The following NR1H4 variants were observed in gnomAD, a reference collection of about 807,000 sequenced individuals.
NR1H4 encodes bile acid receptor.
Under a neutral mutation model 58.5 loss-of-function variants are expected in NR1H4, and 23 were observed. The observed-to-expected ratio is 0.39, with a 90% CI of 0.28 to 0.56. NR1H4 has a LOEUF of 0.56. NR1H4 is among the 20% of genes least tolerant of loss of function. The probability of loss-of-function intolerance (pLI) is 0.58; values close to 1 mark genes in which losing one functional copy is unlikely to be tolerated. For missense variants in NR1H4, 487 were observed against 576.9 expected, an observed-to-expected ratio of 0.84 and a Z score of 1.60; for synonymous variants, 214 against 198.0, an observed-to-expected ratio of 1.08 and a Z score of -0.68.
In NR1H4 at chr12:100,542,508, A is replaced by G. The variant is rs117394485; in HGVS notation, c.1078+1690A>G. On this transcript the variant is annotated intron_variant, in intron 9 of 10. Coordinates refer to ENST00000392986, the MANE Select transcript of NR1H4 (RefSeq NM_001206979.2). ...AATTACCAGGAATTCTGTGCAATTTATCTTAGGAGATCCTTAAGATAGGAT... is the reference window on the plus strand; with the variant it reads ...AATTACCAGGAATTCTGTGCAATTTGTCTTAGGAGATCCTTAAGATAGGAT... 1.7e-3 allele frequency among the ~76,000 whole-genome samples: 252 copies of G among 152,360 alleles called. 4 individuals are homozygous for G. The highest frequency in any genetic ancestry group is 0.013 in the East Asian group (67 of 5,190).
At chr12:100,516,212 G>A (rs1268274727) in intron 4 of NR1H4, among the ~76,000 whole-genome samples, 1 of 152,164 alleles carries the variant, frequency 6.6e-6, no homozygotes. Flanking sequence ...TTGAAACCTG[G>A]ACTGGAAAGA....
In NR1H4 at chr12:100,563,606, T is replaced by C. The variant is rs1955523082; in HGVS notation, c.*117T>C. ...CTCAAGAAATCTTGATGAATATTTA[T>C]GTTGTAATTACATGTGTAACTTCCA... On this transcript the variant is annotated 3_prime_UTR_variant, in exon 11 of 11. Coordinates refer to ENST00000392986, the MANE Select transcript of NR1H4 (RefSeq NM_001206979.2). The C allele has an allele frequency of 2.4e-6, 2 of 837,012 alleles. No individual in the cohort carries two copies. Among genetic ancestry groups the C allele is most frequent in the African/African-American group, 1.7e-5 (1 of 59,622 alleles). The allele number at this position is 837,012 out of a possible 1,614,324, so 51.8% of individuals were successfully genotyped here.
intron 9 of NR1H4, among the ~76,000 whole-genome samples, chr12:100,550,450 C>T (rs996416843): frequency 2.0e-5 from 3 of 152,116 alleles, no homozygotes; most frequent in African/African-American, 4.8e-5. Context: ...CTGCAACCTC[C>T]GCCTCCTGGG....
rs1229246448 is a variant in NR1H4 at position 100,536,521 on chromosome 12, G to C, written c.742G>C (p.Glu248Gln). The change falls in exon 7 of 11, where the codon GAA becomes CAA. Residue 248 changes from glutamate to glutamine, a missense_variant. Glu to Gln is a conservative substitution (Grantham distance 29, BLOSUM62 2). Coordinates refer to ENST00000392986, the MANE Select transcript of NR1H4 (RefSeq NM_001206979.2). Reference protein sequence around the residue: ...STTKSCREKTELTPDQQTLLH... With the variant: ...STTKSCREKTQLTPDQQTLLH... ...TTTCTTGCCAGTGTAGGAGAAAACTGAACTCACCCCAGATCAACAGACTCT... is the reference window on the plus strand; with the variant it reads ...TTTCTTGCCAGTGTAGGAGAAAACTCAACTCACCCCAGATCAACAGACTCT... 1 of 1,604,474 alleles carries C rather than the reference G, an allele frequency of 6.2e-7. No individual in the cohort carries two copies. The highest frequency in any genetic ancestry group is 2.2e-5 in the East Asian group (1 of 44,732).
chr12:100,516,615 C>T (rs967635303), intron 4 of NR1H4, among the ~76,000 whole-genome samples: 1 of 152,194 alleles, frequency 6.6e-6, no homozygotes, highest in Non-Finnish European at 1.5e-5. Flanking sequence ...ATCCGCCCGC[C>T]TCGGCCTCCC....
At chr12:100,533,734 C>T (rs1954748378) in intron 5 of NR1H4, among the ~76,000 whole-genome samples, 1 of 152,134 alleles carries the variant, frequency 6.6e-6, no homozygotes, top group African/African-American at 2.4e-5. Context: ...TGAACACAAA[C>T]TCATCCAGTA....
At chr12:100,527,831 A>AT (rs374330688) in intron 4 of NR1H4, among the ~76,000 whole-genome samples, 4 of 152,134 alleles carry the variant, frequency 2.6e-5, no homozygotes, top group Non-Finnish European at 5.9e-5. Context: ...TGAACTCATC[A>AT]TTTTTTATGG....
intron 9 of NR1H4, among the ~76,000 whole-genome samples, chr12:100,559,648 A>G (rs1447630251): frequency 5.3e-5 from 8 of 152,300 alleles, no homozygotes; most frequent in African/African-American, 1.7e-4. Flanking sequence ...GCAGCCCGCC[A>G]TGCCTGAGCC....
intron 8 of NR1H4, among the ~76,000 whole-genome samples, chr12:100,537,744 C>T (rs578157966): frequency 3.9e-5 from 6 of 152,312 alleles, no homozygotes; most frequent in South Asian, 2.1e-4. Context: ...GACGGAGTCT[C>T]GCTCTGTTGC....
intron 9 of NR1H4, among the ~76,000 whole-genome samples, chr12:100,546,076 G>C (rs1056765282): frequency 1.3e-5 from 2 of 152,132 alleles, no homozygotes; most frequent in Non-Finnish European, 2.9e-5. Context: ...TCATTCACCA[G>C]TTGAGACAAG....
Position 100,521,193 on chromosome 12 carries a change from C to G in NR1H4, c.445+10050C>G, listed in dbSNP as rs374842830. ...TTAAATTTCCTCATTACATTGGTCT[C>G]TTTTTCTGGTTCCACTAAAAATATT... On this transcript the variant is annotated intron_variant, in intron 4 of 10. Coordinates refer to ENST00000392986, the MANE Select transcript of NR1H4 (RefSeq NM_001206979.2). Among the ~76,000 whole-genome samples the G allele has an allele frequency of 7.9e-5, 12 of 151,334 alleles. No homozygotes were observed. In the East Asian group the frequency reaches 1.2e-3, roughly 15 times the overall value.
chr12:100,510,052 A>T (rs1304128031), intron 3 of NR1H4, among the ~76,000 whole-genome samples: 1 of 152,196 alleles, frequency 6.6e-6, no homozygotes, highest in Non-Finnish European at 1.5e-5. Context: ...AATCTAAATA[A>T]TTGTTTTACA....
At chr12:100,489,690 C>A (rs1011852526) in intron 1 of NR1H4, among the ~76,000 whole-genome samples, 1 of 151,920 alleles carries the variant, frequency 6.6e-6, no homozygotes, top group Admixed American at 6.6e-5. Flanking sequence ...AGAGTGAGAA[C>A]AATATTCTGG....
chr12:100,532,335 G>A (rs1184782383), intron 4 of NR1H4, 123 bp from the exon 5 acceptor site: 11 of 828,532 alleles, frequency 1.3e-5, no homozygotes, highest in Non-Finnish European at 2.3e-5. Context: ...GTGTGCTCAA[G>A]GATGGCCTGG....
At chr12:100,508,274 A>G (rs1954016962) in intron 3 of NR1H4, among the ~76,000 whole-genome samples, 1 of 152,228 alleles carries the variant, frequency 6.6e-6, no homozygotes, top group South Asian at 2.1e-4. Context: ...CTGAGTCTGG[A>G]AGCGGCAAGG....
intron 4 of NR1H4, among the ~76,000 whole-genome samples, chr12:100,512,110 G>A (rs749843612): frequency 2.0e-5 from 3 of 151,932 alleles, no homozygotes; most frequent in Non-Finnish European, 2.9e-5. Flanking sequence ...GAGCACGCAT[G>A]TTGTCCCAGC....
In NR1H4 at chr12:100,534,842, A is replaced by C. The variant is rs766355749; in HGVS notation, c.599-48A>C. On this transcript the variant is annotated intron_variant, in intron 5 of 10. Coordinates refer to ENST00000392986, the MANE Select transcript of NR1H4 (RefSeq NM_001206979.2). ...TCAGTGGTTTTATGACCACACACCC[A>C]ACAGTACTTTCTGTGATTGGTGAAG... 5 of 1,612,396 alleles carry C rather than the reference A, an allele frequency of 3.1e-6. No homozygotes were observed. In the South Asian group the frequency reaches 5.5e-5, roughly 18 times the overall value.
chr12:100,489,088 G>A (rs1389566034), intron 1 of NR1H4, among the ~76,000 whole-genome samples: 4 of 152,156 alleles, frequency 2.6e-5, no homozygotes, highest in African/African-American at 9.7e-5. Context: ...GAGCACCAAA[G>A]TAACCGTAAT....
chr12:100,547,413 A>G (rs1233965848), intron 9 of NR1H4, among the ~76,000 whole-genome samples: 2 of 152,132 alleles, frequency 1.3e-5, no homozygotes, highest in African/African-American at 2.4e-5. Flanking sequence ...ACATTCCAGC[A>G]AGTGGGGAGG....
Sources: allele counts gnomAD v4.1 joint callset (sites outside exome capture counted in the v4.1 genomes callset), GRCh38; gene constraint gnomAD v4.1.1; transcripts MANE v1.5; gene names NCBI Gene and HGNC (gene_info 2026-07-23, HGNC 2026-07-21).